Variants in FGF12 observed in about 807,000 individuals in gnomAD.
FGF12 encodes fibroblast growth factor 12B.
In FGF12, 14 loss-of-function variants were observed where a neutral mutation model predicts 23.6. The ratio of observed to expected loss-of-function variants is 0.59; its 90% CI spans 0.39 to 0.93. The LOEUF (loss-of-function observed/expected upper bound fraction) is 0.93, where lower values mean the gene tolerates loss of function less well. Among genes scored for constraint, FGF12 ranks in the 40% least tolerant of loss-of-function variants. The pLI is 0.00. For synonymous variants in FGF12, 62 were observed against 77.3 expected, an observed-to-expected ratio of 0.80 and a Z score of 1.04; for missense variants, 175 against 217.8, an observed-to-expected ratio of 0.80 and a Z score of 1.24.
chr3:192,705,361 G>C (rs1432231658), intron 2 of FGF12, among the ~76,000 whole-genome samples: 1 of 152,196 alleles, frequency 6.6e-6, no homozygotes, highest in African/African-American at 2.4e-5. Flanking sequence ...AAATAGGCCT[G>C]AGAAGAGGGA....
chr3:192,229,274 G>A (rs139920146), intron 4 of FGF12, among the ~76,000 whole-genome samples: 1 of 151,972 alleles, frequency 6.6e-6, no homozygotes, highest in Non-Finnish European at 1.5e-5. Flanking sequence ...AGCCATACTG[G>A]TAAAATGTTT....
intron 2 of FGF12, among the ~76,000 whole-genome samples, chr3:192,625,006 A>G (rs1715111190): frequency 6.6e-6 from 1 of 152,144 alleles, no homozygotes; most frequent in East Asian, 1.9e-4. Context: ...CTTGGGAAAT[A>G]GTCCATATAG....
intron 2 of FGF12, among the ~76,000 whole-genome samples, chr3:192,370,490 C>CTA (rs1719179632): frequency 6.6e-6 from 1 of 152,118 alleles, no homozygotes; most frequent in African/African-American, 2.4e-5. Context: ...CTGCAGTGAG[C>CTA]TATGATTGCA....
intron 4 of FGF12, among the ~76,000 whole-genome samples, chr3:192,306,704 A>C (rs540982601): frequency 6.6e-6 from 1 of 152,240 alleles, no homozygotes; most frequent in Non-Finnish European, 1.5e-5. Context: ...ATGGTTTGTC[A>C]TCAAGGGCTT....
intron 2 of FGF12, among the ~76,000 whole-genome samples, chr3:192,544,758 C>A (rs1426365050): frequency 6.6e-6 from 1 of 152,044 alleles, no homozygotes; most frequent in East Asian, 1.9e-4. Flanking sequence ...AGAGCTGATT[C>A]TAGAGCTAGA....
intron 2 of FGF12, among the ~76,000 whole-genome samples, chr3:192,503,507 G>A (rs1488376748): frequency 6.6e-6 from 1 of 150,924 alleles, no homozygotes; most frequent in East Asian, 1.9e-4. Flanking sequence ...TTTTTTATCC[G>A]TGAAAAACCA....
intron 4 of FGF12, among the ~76,000 whole-genome samples, chr3:192,221,717 T>C (rs1173307182): frequency 6.6e-6 from 1 of 152,070 alleles, no homozygotes; most frequent in Admixed American, 6.6e-5. Context: ...CATCTAAAAG[T>C]AAAATGTAAT....
chr3:192,370,231 TTATACATCTC>T (rs746824452), intron 2 of FGF12, among the ~76,000 whole-genome samples: 1 of 152,242 alleles, frequency 6.6e-6, no homozygotes, highest in Non-Finnish European at 1.5e-5. Context: ...ACTTTTCTAA[TTATACATCTC>T]TATCAGTAAA....
chr3:192,546,789 C>G (rs1161924301), intron 2 of FGF12, among the ~76,000 whole-genome samples: 1 of 152,166 alleles, frequency 6.6e-6, no homozygotes, highest in Non-Finnish European at 1.5e-5. Context: ...TGGCTTATGC[C>G]TATAATTCTC....
chr3:192,343,261 T>C, intron 3 of FGF12, among the ~76,000 whole-genome samples: 1 of 152,160 alleles, frequency 6.6e-6, no homozygotes, highest in East Asian at 1.9e-4. Flanking sequence ...GATATTTGGG[T>C]TTATAATCTG....
chr3:192,557,015 T>C (rs1047658733), intron 2 of FGF12, among the ~76,000 whole-genome samples: 1 of 150,928 alleles, frequency 6.6e-6, no homozygotes, highest in African/African-American at 2.4e-5. Context: ...CAAATAAAAA[T>C]GAAAACACAA....
At chr3:192,403,474 C>A (rs77631451) in intron 2 of FGF12, among the ~76,000 whole-genome samples, 5,361 of 151,254 alleles carry the variant, frequency 0.035, 309 homozygotes, top group African/African-American at 0.12. Flanking sequence ...TAGAGAGAAC[C>A]GAATTTTAAA....
At chr3:192,582,650 A>C (rs1441611528) in intron 2 of FGF12, among the ~76,000 whole-genome samples, 1 of 151,736 alleles carries the variant, frequency 6.6e-6, no homozygotes, top group Non-Finnish European at 1.5e-5. Context: ...TGGTGATTAG[A>C]AAATGGAGCA....
At chr3:192,240,039 T>G (rs1228789368) in intron 4 of FGF12, among the ~76,000 whole-genome samples, 1 of 152,296 alleles carries the variant, frequency 6.6e-6, no homozygotes, top group East Asian at 1.9e-4. Flanking sequence ...ACCTTCTTGG[T>G]AGAGAAAAAC....
At chr3:192,243,948 C>G (rs182903233) in intron 4 of FGF12, among the ~76,000 whole-genome samples, 1 of 152,148 alleles carries the variant, frequency 6.6e-6, no homozygotes. Flanking sequence ...AAAATAAAAT[C>G]AGCTATTGGC....
At chr3:192,499,902 C>T (rs1397050512) in intron 2 of FGF12, among the ~76,000 whole-genome samples, 1 of 152,062 alleles carries the variant, frequency 6.6e-6, no homozygotes, top group South Asian at 2.1e-4. Context: ...GCTCTCTGCA[C>T]TTAAGCTCTG....
At chr3:192,544,924 C>T (rs192361998) in intron 2 of FGF12, among the ~76,000 whole-genome samples, 17 of 152,264 alleles carry the variant, frequency 1.1e-4, no homozygotes, top group East Asian at 9.7e-4. Context: ...TCAGGGCAAT[C>T]GCCGCAACTA....
At chr3:192,333,660 T>C (rs1006505942) in intron 4 of FGF12, among the ~76,000 whole-genome samples, 2 of 152,114 alleles carry the variant, frequency 1.3e-5, no homozygotes, top group African/African-American at 4.8e-5. Flanking sequence ...ATAATTGTAA[T>C]ACAAATGACA....
At chr3:192,547,975 T>C (rs974137267) in intron 2 of FGF12, among the ~76,000 whole-genome samples, 12 of 152,176 alleles carry the variant, frequency 7.9e-5, no homozygotes, top group African/African-American at 2.7e-4. Context: ...TGTAGATGAC[T>C]AGAACCAGAA....
Sources: gnomAD v4.1 joint callset for allele counts (sites outside exome capture counted in the v4.1 genomes callset) on GRCh38, gnomAD v4.1.1 for gene constraint, MANE v1.5 for transcripts, NCBI Gene and HGNC (gene_info 2026-07-23, HGNC 2026-07-21) for gene names.